ZNF638: variants seen among roughly 807,000 people sequenced by gnomAD.
The protein encoded by ZNF638 is zinc finger protein 638, also known as CTCL tumor antigen se33-1.
A neutral mutation model predicts 195.6 loss-of-function variants in ZNF638; 46 were observed. The ratio of observed to expected loss-of-function variants is 0.24; its 90% confidence interval spans 0.19 to 0.30. The LOEUF is 0.30. Among genes scored for constraint, ZNF638 ranks in the 10% least tolerant of loss-of-function variants. The pLI, the probability that ZNF638 is intolerant of heterozygous loss-of-function variation, is 1.00. For missense variants in ZNF638, 2,440 were observed against 2,325.3 expected (o/e 1.05, Z -1.01); for synonymous variants, 845 against 772.0 (o/e 1.09, Z -1.57).
At chr2:71,394,582 TAAG>T (rs2079854342) in intron 10 of ZNF638, among the ~76,000 whole-genome samples, 1 of 152,158 alleles carries the variant, frequency 6.6e-6, no homozygotes, top group African/African-American at 2.4e-5. Context: ...ATTATGGTAT[TAAG>T]GAGACAATCT....
intron 8 of ZNF638, among the ~76,000 whole-genome samples, chr2:71,370,624 A>C (rs1168202302): frequency 6.6e-6 from 1 of 152,094 alleles, no homozygotes; most frequent in South Asian, 2.1e-4. Flanking sequence ...TTCTTTGTGT[A>C]TGTGTGTGTT....
At chr2:71,348,251 A>G (rs1281957893) in intron 1 of ZNF638, among the ~76,000 whole-genome samples, 1 of 152,214 alleles carries the variant, frequency 6.6e-6, no homozygotes, top group East Asian at 1.9e-4. Context: ...AGTGTAGTTT[A>G]ATTGCCCTAT....
At chr2:71,405,925 T>C (rs939094281) in intron 18 of ZNF638, among the ~76,000 whole-genome samples, 4 of 152,192 alleles carry the variant, frequency 2.6e-5, no homozygotes, top group Admixed American at 6.5e-5. Context: ...AGTAGAAATA[T>C]TATACTTCCC....
chr2:71,355,622 T>C (rs1036717507), intron 2 of ZNF638, 97 bp from the exon 3 acceptor site: 18 of 926,236 alleles, frequency 1.9e-5, no homozygotes, highest in Non-Finnish European at 2.8e-5. Context: ...GTTTGTTTAA[T>C]TTTTGAACAA....
chr2:71,345,771 G>T (rs1342508901), intron 1 of ZNF638, among the ~76,000 whole-genome samples: 2 of 152,154 alleles, frequency 1.3e-5, no homozygotes, highest in Admixed American at 6.5e-5. Context: ...CTCCCAAAGT[G>T]CTAGGACTAC....
At chr2:71,370,810 C>A (rs1424746053) in intron 8 of ZNF638, among the ~76,000 whole-genome samples, 1 of 152,144 alleles carries the variant, frequency 6.6e-6, no homozygotes, top group East Asian at 1.9e-4. Flanking sequence ...TCCCCTCCAA[C>A]ATTTATTCTT....
intron 13 of ZNF638, 89 bp downstream of exon 13, chr2:71,399,734 C>A: frequency 2.0e-6 from 2 of 1,008,698 alleles, no homozygotes; most frequent in Non-Finnish European, 3.0e-6. Context: ...AGGTTTCTTA[C>A]ATAGGTAAAC....
chr2:71,383,269 C>T (rs1272685882), intron 10 of ZNF638, among the ~76,000 whole-genome samples: 3 of 152,030 alleles, frequency 2.0e-5, no homozygotes, highest in Admixed American at 1.3e-4. Context: ...GAGCCAAGAT[C>T]GTGCCACTGC....
chr2:71,423,057 A>G lies in ZNF638; in HGVS notation c.3543A>G (p.Val1181=), dbSNP rs374215994. The G allele has an allele frequency of 2.5e-6, 4 of 1,614,034 alleles. No homozygotes were observed. Among genetic ancestry groups the G allele is most frequent in the Non-Finnish European group, 3.4e-6 (4 of 1,180,006 alleles). Reference sequence around the variant, plus strand: ...AGGTCAAAGAAGAAATTCCTCTTGTAGCATCCGCTTCAGTCAGTATTGAAC... The same window carrying G: ...AGGTCAAAGAAGAAATTCCTCTTGTGGCATCCGCTTCAGTCAGTATTGAAC... ...GEEVKEEIPL[V]ASASVSIEQF... Residue 1181 remains valine (V), a synonymous_variant, in exon 22 of 28, where the codon GTA becomes GTG. Transcript: ENST00000264447.
chr2:71,349,217 A>T lies in ZNF638; in HGVS notation c.263A>T (p.Asp88Val). 6.2e-7 allele frequency: 1 copy of T among 1,614,168 alleles called. No individual in the cohort carries two copies. The highest frequency in any genetic ancestry group is 8.5e-7 in the Non-Finnish European group (1 of 1,180,026). ...CCAAGATTGACCAAAGAAAAACTGG[A>T]TTTTCATGAAGCACAACAGAAGAAG... ...TDPRLTKEKL[D>V]FHEAQQKKGK... Residue 88 changes from aspartate (D) to valine (V), a missense_variant, in exon 2 of 28, where the codon GAT becomes GTT. Physicochemically the swap from Asp to Val is radical, Grantham distance 152 (BLOSUM62 -3). Coordinates refer to ENST00000264447, the MANE Select transcript of ZNF638 (RefSeq NM_014497.5).
chr2:71,355,673 A>T, intron 2 of ZNF638, 46 bp from the exon 3 acceptor site: 1 of 1,262,424 alleles, frequency 7.9e-7, no homozygotes, highest in Non-Finnish European at 1.1e-6. Flanking sequence ...TCATTAGTCA[A>T]CATGAGGAAT....
At position 71,423,007 on chromosome 2, in the gene ZNF638, T is replaced by A. The variant is rs1244402831; in HGVS notation, c.3493T>A (p.Leu1165Met). Residue 1165 changes from leucine (L) to methionine (M), a missense_variant, in exon 22 of 28, where the codon TTG becomes ATG. Leu to Met is a conservative substitution (Grantham distance 15). Transcript: ENST00000264447. ...TCDSDFAVET[L>M]ELETQGEEVK... ...TGATTCTGACTTTGCTGTTGAAACTTTGGAGCTTGAAACTCAAGGAGAGGA... is the reference window on the plus strand; with the variant it reads ...TGATTCTGACTTTGCTGTTGAAACTATGGAGCTTGAAACTCAAGGAGAGGA... 10 of 1,613,986 alleles carry A rather than the reference T, an allele frequency of 6.2e-6. No individual in the cohort carries two copies. The Admixed American group carries it at 1.3e-4, about 22-fold the overall frequency.
At chr2:71,362,330 A>G (rs972653892) in intron 3 of ZNF638, among the ~76,000 whole-genome samples, 6 of 151,982 alleles carry the variant, frequency 3.9e-5, no homozygotes, top group Admixed American at 3.9e-4. Context: ...TACATGCCTG[A>G]TTTCTAAATA....
At chr2:71,404,109 A>T (rs539730886) in intron 17 of ZNF638, 111 bp downstream of exon 17, 8 of 1,103,310 alleles carry the variant, frequency 7.3e-6, no homozygotes, top group Middle Eastern at 3.1e-4. Context: ...TCTCACAGAC[A>T]CTGAGAAAGC....
chr2:71,401,076 G>A lies in ZNF638; in HGVS notation c.2697+558G>A, dbSNP rs979989632. Among the ~76,000 whole-genome samples the A allele has an allele frequency of 6.6e-5, 10 of 152,096 alleles. 1 individual carries two copies. The highest frequency in any genetic ancestry group is 5.9e-4 in the Admixed American group (9 of 15,258). On this transcript the variant is annotated intron_variant, in intron 15 of 27. Coordinates refer to ENST00000264447, the MANE Select transcript of ZNF638 (RefSeq NM_014497.5). ...GGTGTTGAGCATAAGTTTTTGTCTA[G>A]TAGATCCATTCTTCAAGTAGTAACT...
At position 71,427,320 on chromosome 2, in the gene ZNF638, A is replaced by AGTTTTT; in HGVS notation, c.5451_5452insGTTTTT (p.Lys1817_Lys1818insValPhe). The stretch of plus-strand genomic sequence containing the variant: ...GAAAGAAGAGAGCTGTGGACACAAA[A>AGTTTTT]AAGACAAAACTTGAATCCTTGTCCC... On this transcript the variant is annotated inframe_insertion, in exon 24 of 28. Coordinates refer to ENST00000264447, the MANE Select transcript of ZNF638 (RefSeq NM_014497.5). 1 of 1,611,224 alleles carries AGTTTTT rather than the reference A, an allele frequency of 6.2e-7. No individual in the cohort carries two copies. Among genetic ancestry groups the AGTTTTT allele is most frequent in the Admixed American group, 1.7e-5 (1 of 59,336 alleles).
chr2:71,423,629 A>T lies in ZNF638; in HGVS notation c.4115A>T (p.Lys1372Met), dbSNP rs1208328446. The change falls in exon 22 of 28, where the codon AAG becomes ATG. Residue 1372 changes from lysine to methionine, a missense_variant. Coordinates refer to ENST00000264447, the MANE Select transcript of ZNF638 (RefSeq NM_014497.5). ...YPNKGVGQANKPDETSKTSIL... is the reference protein window; with the variant it reads ...YPNKGVGQANMPDETSKTSIL... ...AATAAAGGAGTGGGTCAGGCTAATA[A>T]GCCTGATGAAACTAGTAAAACTAGT... is the stretch of plus-strand genomic sequence containing the variant. 6.2e-7 allele frequency: 1 copy of T among 1,613,888 alleles called. No individual in the cohort carries two copies. Among genetic ancestry groups the T allele is most frequent in the Admixed American group, 1.7e-5 (1 of 59,954 alleles).
Position 71,349,250 on chromosome 2 carries a change from C to T in ZNF638, c.296C>T (p.Pro99Leu), listed in dbSNP as rs761459300. The change falls in exon 2 of 28, where the codon CCT becomes CTT. Residue 99 changes from proline to leucine, a missense_variant. Around this residue, in one of 5 missense-constraint regions of ZNF638, gnomAD observed 191 missense variants for 173.8 expected, o/e 1.10. Transcript: ENST00000264447. ...FHEAQQKKGKPHGSRWDDEPH... is the reference protein window; with the variant it reads ...FHEAQQKKGKLHGSRWDDEPH... Reference sequence around the variant, plus strand: ...GAAGCACAACAGAAGAAGGGGAAGCCTCATGGTAGCCGGTGGGATGATGAG... The same window carrying T: ...GAAGCACAACAGAAGAAGGGGAAGCTTCATGGTAGCCGGTGGGATGATGAG... 2 of 1,614,152 alleles carry T rather than the reference C, an allele frequency of 1.2e-6. No homozygotes were observed. Among genetic ancestry groups the T allele is most frequent in the South Asian group, 1.1e-5 (1 of 91,080 alleles).
chr2:71,374,971 C>G (rs2079394288), intron 8 of ZNF638: 1 of 151,340 alleles, frequency 6.6e-6, no homozygotes, highest in African/African-American at 2.4e-5. Context: ...CTTTTATGCC[C>G]TTTAGCAAGT....
Sources: gnomAD v4.1 joint callset for allele counts (sites outside exome capture counted in the v4.1 genomes callset) on GRCh38, gnomAD v4.1.1 for gene constraint, gnomAD v4.1.1 regional missense constraint, MANE v1.5 for transcripts, NCBI Gene and HGNC (gene_info 2026-07-23, HGNC 2026-07-21) for gene names.